The following PRKCA variants were observed in gnomAD, a reference collection of about 807,000 sequenced individuals.
PRKCA encodes the protein protein kinase C alpha type.
Under a neutral mutation model 87.0 loss-of-function variants are expected in PRKCA, and 27 were observed. That is an observed-to-expected ratio of 0.31 (90% CI 0.23 to 0.43). The LOEUF (loss-of-function observed/expected upper bound fraction) is 0.43, where lower values mean the gene tolerates loss of function less well. Ranked by LOEUF, PRKCA falls within the 20% of genes least tolerant of loss-of-function variation. The probability of loss-of-function intolerance (pLI) is 1.00; values close to 1 mark genes in which losing one functional copy is unlikely to be tolerated. For missense variants in PRKCA, 518 were observed against 852.3 expected (o/e 0.61, Z 4.88); for synonymous variants, 329 against 311.1 (o/e 1.06, Z -0.61).
chr17:66,592,854 G>A (rs1412452195), intron 3 of PRKCA, among the ~76,000 whole-genome samples: 1 of 152,140 alleles, frequency 6.6e-6, no homozygotes. Context: ...GTGCAGTGGC[G>A]CAATCTCGGC....
At chr17:66,512,423 A>G (rs1427985716) in intron 3 of PRKCA, among the ~76,000 whole-genome samples, 1 of 151,868 alleles carries the variant, frequency 6.6e-6, no homozygotes, top group African/African-American at 2.4e-5. Context: ...CCTTGATGAC[A>G]GAGTGAGACC....
intron 5 of PRKCA, among the ~76,000 whole-genome samples, chr17:66,674,460 G>C (rs918241378): frequency 2.0e-5 from 3 of 152,144 alleles, no homozygotes; most frequent in African/African-American, 7.2e-5. Flanking sequence ...GGTGTGGAGT[G>C]GTTCTTTTGG....
chr17:66,388,637 G>C (rs1236774489), intron 2 of PRKCA, among the ~76,000 whole-genome samples: 1 of 152,140 alleles, frequency 6.6e-6, no homozygotes, highest in Non-Finnish European at 1.5e-5. Flanking sequence ...GGAGAATTTG[G>C]GGAAAAGTAT....
chr17:66,563,387 C>A (rs1230090507), intron 3 of PRKCA, among the ~76,000 whole-genome samples: 1 of 152,162 alleles, frequency 6.6e-6, no homozygotes, highest in African/African-American at 2.4e-5. Flanking sequence ...CATAGTTTTT[C>A]CTTTTCTGGA....
chr17:66,638,215 G>A (rs1971196993), intron 3 of PRKCA: 1 of 151,830 alleles, frequency 6.6e-6, no homozygotes, highest in Non-Finnish European at 1.5e-5. Flanking sequence ...CTCATTCTGG[G>A]TAGATCTCCA....
At chr17:66,696,391 T>C (rs1395729747) in intron 8 of PRKCA, 1 of 152,220 alleles carries the variant, frequency 6.6e-6, no homozygotes, top group Non-Finnish European at 1.5e-5. Flanking sequence ...ATAAGTTCCT[T>C]AAACTCTCTG....
intron 3 of PRKCA, among the ~76,000 whole-genome samples, chr17:66,527,902 A>C (rs529117615): frequency 6.6e-6 from 1 of 152,324 alleles, no homozygotes; most frequent in South Asian, 2.1e-4. Flanking sequence ...GTATTCCATT[A>C]AAAACATGAT....
chr17:66,532,683 C>G (rs1356028514), intron 3 of PRKCA, among the ~76,000 whole-genome samples: 1 of 152,222 alleles, frequency 6.6e-6, no homozygotes, highest in Admixed American at 6.5e-5. Context: ...AACTGCAACC[C>G]CATCTCCTTC....
chr17:66,687,290 A>G (rs370953077), intron 6 of PRKCA, 23 bp downstream of exon 6: 487 of 1,607,802 alleles, frequency 3.0e-4, no homozygotes, highest in Non-Finnish European at 4.1e-4. Context: ...TCCTTGATCA[A>G]ATTTCATTCC....
intron 3 of PRKCA, among the ~76,000 whole-genome samples, chr17:66,613,983 G>T (rs2143655268): frequency 6.6e-6 from 1 of 151,934 alleles, no homozygotes; most frequent in Middle Eastern, 3.4e-3. Flanking sequence ...TAGAGATGGG[G>T]TTTCACCAAG....
At chr17:66,638,774 G>T (rs1219224055) in intron 3 of PRKCA, among the ~76,000 whole-genome samples, 3 of 152,070 alleles carry the variant, frequency 2.0e-5, no homozygotes, top group Non-Finnish European at 2.9e-5. Context: ...CATGAACCTG[G>T]GAGGCAGAGC....
At chr17:66,479,055 C>T (rs1029553195) in intron 2 of PRKCA, among the ~76,000 whole-genome samples, 19 of 152,158 alleles carry the variant, frequency 1.2e-4, no homozygotes, top group African/African-American at 4.6e-4. Context: ...AGCTTCTTCA[C>T]AGCAAAAGAA....
intron 2 of PRKCA, among the ~76,000 whole-genome samples, chr17:66,417,100 A>G (rs1000333567): frequency 2.0e-5 from 3 of 151,824 alleles, no homozygotes; most frequent in Non-Finnish European, 4.4e-5. Context: ...GGGTTTTGCC[A>G]TGTTGGCCAG....
intron 3 of PRKCA, among the ~76,000 whole-genome samples, chr17:66,534,776 A>G (rs1028881483): frequency 2.6e-5 from 4 of 152,202 alleles, no homozygotes; most frequent in Non-Finnish European, 5.9e-5. Context: ...GAACCTTCTT[A>G]AGGACTCATG....
intron 2 of PRKCA, among the ~76,000 whole-genome samples, chr17:66,393,474 C>CA (rs1232778864): frequency 6.6e-6 from 1 of 152,142 alleles, no homozygotes; most frequent in Non-Finnish European, 1.5e-5. Context: ...ATAACCAAAA[C>CA]ACTCCCCAAA....
chr17:66,463,631 A>G (rs968787768), intron 2 of PRKCA, among the ~76,000 whole-genome samples: 1 of 152,046 alleles, frequency 6.6e-6, no homozygotes, highest in African/African-American at 2.4e-5. Context: ...TCCTGACCTC[A>G]TGATCTGCCT....
intron 2 of PRKCA, among the ~76,000 whole-genome samples, chr17:66,309,277 C>T (rs1390620509): frequency 6.6e-6 from 1 of 152,080 alleles, no homozygotes; most frequent in Non-Finnish European, 1.5e-5. Context: ...GAGTTTTAGT[C>T]CTTAAAACTG....
intron 3 of PRKCA, among the ~76,000 whole-genome samples, chr17:66,616,738 T>C (rs1846230407): frequency 6.6e-6 from 1 of 152,180 alleles, no homozygotes; most frequent in Admixed American, 6.5e-5. Flanking sequence ...TAGCTTCCAC[T>C]GTGTTAAGTG....
rs113526885 is a variant in PRKCA at position 66,418,440 on chromosome 17, C to CTTTTT, written c.206-77751_206-77747dup. Among the ~76,000 whole-genome samples, 6 of 142,244 alleles carry CTTTTT rather than the reference C, an allele frequency of 4.2e-5. 1 individual carries two copies. 93.3% of individuals were successfully genotyped at this position (142,244 alleles called of 152,430 possible). On this transcript the variant is annotated intron_variant, in intron 2 of 16. Transcript: ENST00000413366. ...ATATCCATTTGTCATTTGTTTTAGCCTTTTTTTTTTTTTTGAGATGGAGTC... is the reference window on the plus strand; with the variant it reads ...ATATCCATTTGTCATTTGTTTTAGCCTTTTTTTTTTTTTTTTTTTGAGATGGAGTC...
Sources: gnomAD v4.1 joint callset for allele counts (sites outside exome capture counted in the v4.1 genomes callset) on GRCh38, gnomAD v4.1.1 for gene constraint, MANE v1.5 for transcripts, NCBI Gene and HGNC (gene_info 2026-07-23, HGNC 2026-07-21) for gene names.